The following PHF21A variants were observed in gnomAD, a reference collection of about 807,000 sequenced individuals.
PHF21A encodes PHD finger protein 21A.
In PHF21A, 11 loss-of-function variants were observed where a neutral mutation model predicts 82.5. The ratio of observed to expected loss-of-function variants is 0.13; its 90% confidence interval spans 0.08 to 0.22. The LOEUF (loss-of-function observed/expected upper bound fraction) is 0.22, where lower values mean the gene tolerates loss of function less well. PHF21A is among the 10% of genes least tolerant of loss of function. The probability of loss-of-function intolerance (pLI) is 1.00; values close to 1 mark genes in which losing one functional copy is unlikely to be tolerated. For synonymous variants in PHF21A, 297 were observed against 302.8 expected (o/e 0.98, Z 0.20); for missense variants, 579 against 837.8 (o/e 0.69, Z 3.81).
chr11:46,084,436 T>C, intron 3 of PHF21A, 134 bp from the exon 4 acceptor site: 1 of 436,936 alleles, frequency 2.3e-6, no homozygotes, highest in Non-Finnish European at 3.9e-6. Flanking sequence ...AGATTTTTTT[T>C]CCCTCAAAAC....
Position 45,933,794 on chromosome 11 carries a change from A to G in PHF21A, c.*174T>C, listed in dbSNP as rs541424449. 1.7e-3 allele frequency: 944 copies of G among 563,288 alleles called. 4 individuals carry two copies. The highest frequency in any genetic ancestry group is 2.6e-3 in the Non-Finnish European group (848 of 327,948). The allele number at this position is 563,288 out of a possible 1,614,324, so 34.9% of individuals were successfully genotyped here. A position where few individuals can be genotyped will look rare whatever the true frequency, so the allele number is the denominator to read the frequency against. On this transcript the variant is annotated 3_prime_UTR_variant, in exon 19 of 19. Coordinates refer to ENST00000676320, the MANE Select transcript of PHF21A (RefSeq NM_001352027.3). ...CTTTGCATGTACACACAGAATAAGA[A>G]GGATCAATTGGCAAACTCTGGTGCC...
chr11:45,953,651 T>C (rs1231906550), intron 10 of PHF21A, 26 bp from the exon 11 acceptor site: 4 of 1,496,982 alleles, frequency 2.7e-6, no homozygotes, highest in Non-Finnish European at 3.7e-6. Context: ...TAAATAAAAA[T>C]TCAGAATTCG....
Position 45,951,193 on chromosome 11 carries a change from A to G in PHF21A, c.1096-936T>C, listed in dbSNP as rs1335413540. ...GCAGTTTCTAAATATGCCAAATAAT[A>G]CATTATCAATTTATTTCTCTGATGA... is the stretch of plus-strand genomic sequence containing the variant. On this transcript the variant is annotated intron_variant, in intron 11 of 18. Transcript: ENST00000676320. 2.0e-5 allele frequency among the ~76,000 whole-genome samples: 3 copies of G among 152,238 alleles called. No individual in the cohort carries two copies. The South Asian group carries it at 6.2e-4, about 31-fold the overall frequency.
intron 17 of PHF21A, 86 bp from the exon 18 acceptor site, chr11:45,935,825 G>A (rs1288428100): frequency 1.4e-6 from 1 of 710,498 alleles, no homozygotes; most frequent in African/African-American, 1.8e-5. Context: ...GCCTGCCAAA[G>A]AAGGTATTTT....
At chr11:46,004,659 T>C (rs879244276) in intron 6 of PHF21A, among the ~76,000 whole-genome samples, 2 of 152,206 alleles carry the variant, frequency 1.3e-5, no homozygotes, top group Admixed American at 6.5e-5. Context: ...TTGGTTTGCA[T>C]AGCACAGACT....
Position 46,109,153 on chromosome 11 carries a change from G to C in PHF21A, c.-237+11782C>G, listed in dbSNP as rs145092584. 4.6e-5 allele frequency among the ~76,000 whole-genome samples: 7 copies of C among 152,310 alleles called. No individual in the cohort carries two copies. The East Asian group carries it at 1.3e-3, about 29-fold the overall frequency. ...AGTATAGCATTTTGGACATTTAAGA[G>C]CAAGGGCTCAGGAATCAAACCTGGG... On this transcript the variant is annotated intron_variant, in intron 1 of 18. Coordinates refer to ENST00000676320, the MANE Select transcript of PHF21A (RefSeq NM_001352027.3).
chr11:46,102,417 G>A (rs1004161043), intron 1 of PHF21A, among the ~76,000 whole-genome samples: 3 of 152,200 alleles, frequency 2.0e-5, no homozygotes, highest in Non-Finnish European at 2.9e-5. Flanking sequence ...CCAATGACAT[G>A]TAAAAGATCA....
intron 6 of PHF21A, among the ~76,000 whole-genome samples, chr11:46,070,577 T>C (rs2096645577): frequency 6.6e-6 from 1 of 152,150 alleles, no homozygotes; most frequent in Non-Finnish European, 1.5e-5. Context: ...GTGATCTGCC[T>C]ACCTTGGCCT....
intron 1 of PHF21A, chr11:46,120,290 G>A (rs1213473997): frequency 6.9e-6 from 1 of 144,550 alleles, no homozygotes; most frequent in East Asian, 2.3e-4. Flanking sequence ...ACTTCCCCCC[G>A]ACAGCATCCC....
At chr11:45,957,936 G>T (rs985321046) in intron 10 of PHF21A, among the ~76,000 whole-genome samples, 2 of 151,904 alleles carry the variant, frequency 1.3e-5, no homozygotes, top group African/African-American at 4.8e-5. Context: ...AAATGAAACT[G>T]AGGACATTAC....
chr11:46,041,612 C>T (rs764177573), intron 6 of PHF21A, among the ~76,000 whole-genome samples: 1 of 152,120 alleles, frequency 6.6e-6, no homozygotes. Flanking sequence ...ACAGGTCCTA[C>T]CCAATTTGTT....
At chr11:45,957,750 G>GAAAAAAA (rs2092747804) in intron 10 of PHF21A, among the ~76,000 whole-genome samples, 2 of 19,036 alleles carry the variant, frequency 1.1e-4, no homozygotes, top group Non-Finnish European at 9.9e-5. Context: ...TAAATTCAAA[G>GAAAAAAA]CAAAAAAAAA....
Position 45,934,997 on chromosome 11 carries a change from C to G in PHF21A, c.1788+639G>C, listed in dbSNP as rs995749644. 2.3e-5 allele frequency: 16 copies of G among 698,888 alleles called. No homozygotes were observed. The Admixed American group carries it at 2.6e-4, about 11-fold the overall frequency. 43.3% of individuals were successfully genotyped at this position (698,888 alleles called of 1,614,324 possible). A position where few individuals can be genotyped will look rare whatever the true frequency, so the allele number is the denominator to read the frequency against. On this transcript the variant is annotated intron_variant, in intron 18 of 18. Coordinates refer to ENST00000676320, the MANE Select transcript of PHF21A (RefSeq NM_001352027.3). Reference sequence around the variant, plus strand: ...CCATGAGGGCTGAGGTCACTTCACTCCAACAAGGGTGACCTACTCAATGGA... The same window carrying G: ...CCATGAGGGCTGAGGTCACTTCACTGCAACAAGGGTGACCTACTCAATGGA...
intron 7 of PHF21A, among the ~76,000 whole-genome samples, chr11:45,975,306 C>A (rs2093969778): frequency 7.2e-6 from 1 of 138,156 alleles, no homozygotes; most frequent in Non-Finnish European, 1.5e-5. Flanking sequence ...ACAGTGAGAC[C>A]CTGTCTCAAA....
chr11:46,025,865 C>G (rs985727271), intron 6 of PHF21A, among the ~76,000 whole-genome samples: 1 of 152,172 alleles, frequency 6.6e-6, no homozygotes, highest in South Asian at 2.1e-4. Flanking sequence ...GCTGTGACTG[C>G]TCATAGCCCA....
intron 1 of PHF21A, among the ~76,000 whole-genome samples, chr11:46,111,135 T>C (rs1241429107): frequency 6.6e-6 from 1 of 151,238 alleles, no homozygotes; most frequent in Non-Finnish European, 1.5e-5. Flanking sequence ...GCTAGTATTA[T>C]TACAGCAGAT....
intron 1 of PHF21A, among the ~76,000 whole-genome samples, chr11:46,117,637 T>C (rs758013620): frequency 2.2e-4 from 34 of 152,248 alleles, no homozygotes; most frequent in Non-Finnish European, 2.1e-4. Flanking sequence ...CTATATCCTA[T>C]TTGTATTAAT....
In PHF21A at chr11:46,084,207, T is replaced by C. The variant is rs2096828505; in HGVS notation, c.13A>G (p.Thr5Ala). 6.2e-7 allele frequency: 1 copy of C among 1,600,948 alleles called. No individual in the cohort carries two copies. The highest frequency in any genetic ancestry group is 1.1e-5 in the South Asian group (1 of 88,552). ...TCCACTTTAAGAGCCTCCTGTAGAG[T>C]CTGCAACTCCATCCTCTACCTTCTC... MELQ[T>A]LQEALKVEIQ... The change falls in exon 4 of 19, where the codon ACT (threonine) becomes GCT (alanine). Residue 5 changes from threonine to alanine, a missense_variant. Transcript: ENST00000676320.
chr11:45,934,212 A>G lies in PHF21A; in HGVS notation c.1802T>C (p.Met601Thr). 1.2e-6 allele frequency: 2 copies of G among 1,612,660 alleles called. No individual in the cohort carries two copies. Among genetic ancestry groups the G allele is most frequent in the Non-Finnish European group, 1.7e-6 (2 of 1,179,848 alleles). ...LSNSISKCME[M>T]KNTILARQKE... ...CTGCCGGGCCAGGATGGTGTTCTTC[A>G]TTTCCATGCATTTCTGCAGCAAATG... The change falls in exon 19 of 19, where the codon ATG becomes ACG. Residue 601 changes from methionine (M) to threonine (T), a missense_variant. Met to Thr is a moderately conservative substitution (Grantham distance 81). Coordinates refer to ENST00000676320, the MANE Select transcript of PHF21A (RefSeq NM_001352027.3).
Sources: gnomAD v4.1 joint callset for allele counts (sites outside exome capture counted in the v4.1 genomes callset) on GRCh38, gnomAD v4.1.1 for gene constraint, MANE v1.5 for transcripts, NCBI Gene and HGNC (gene_info 2026-07-23, HGNC 2026-07-21) for gene names.